ADGRV1: variants seen among roughly 807,000 people sequenced by gnomAD.
ADGRV1 encodes adhesion G protein-coupled receptor V1, also known as G-protein coupled receptor 98.
ADGRV1 carries 359 observed loss-of-function variants against 596.2 expected under a neutral mutation model. That is an observed-to-expected ratio of 0.60 (90% confidence interval 0.55 to 0.66). The LOEUF is 0.66. Ranked by LOEUF, ADGRV1 falls within the 30% of genes least tolerant of loss-of-function variation. The pLI is 0.00. For missense variants in ADGRV1, 7,274 were observed against 7,575.6 expected, an observed-to-expected ratio of 0.96 and a Z score of 1.48; for synonymous variants, 2,681 against 2,679.2, an observed-to-expected ratio of 1.00 and a Z score of -0.02.
intron 68 of ADGRV1, among the ~76,000 whole-genome samples, chr5:90,789,433 C>A (rs993009800): frequency 6.6e-6 from 1 of 152,124 alleles, no homozygotes; most frequent in Non-Finnish European, 1.5e-5. Flanking sequence ...ATTCAGGCAT[C>A]AAATTACTAT....
Position 90,723,231 on chromosome 5 carries a change from A to G in ADGRV1, c.9749-1601A>G, listed in dbSNP as rs373088175. The stretch of plus-strand genomic sequence containing the variant: ...TTTCAAGAAGTTTGGCAGGGAAGAT[A>G]GGACCTGGAGAAGGTAGTAGTGGTG... On this transcript the variant is annotated intron_variant, in intron 45 of 89. Transcript: ENST00000405460. Among the ~76,000 whole-genome samples, 16 of 152,304 alleles carry G rather than the reference A, an allele frequency of 1.1e-4. No homozygotes were observed. The South Asian group carries it at 1.5e-3, about 14-fold the overall frequency.
At chr5:90,881,988 G>A (rs527400517) in intron 83 of ADGRV1, among the ~76,000 whole-genome samples, 1 of 152,204 alleles carries the variant, frequency 6.6e-6, no homozygotes, top group African/African-American at 2.4e-5. Context: ...GGGATTACAG[G>A]TGTAAGCCAC....
chr5:90,953,457 T>C (rs1356279827), intron 83 of ADGRV1, among the ~76,000 whole-genome samples: 3 of 152,158 alleles, frequency 2.0e-5, no homozygotes, highest in Admixed American at 6.6e-5. Context: ...TTTAGGACAG[T>C]TCTGGAATTT....
intron 75 of ADGRV1, among the ~76,000 whole-genome samples, chr5:90,820,102 G>A (rs201372190): frequency 9.2e-5 from 14 of 151,840 alleles, no homozygotes; most frequent in Admixed American, 3.3e-4. Flanking sequence ...GGGTGCTCCT[G>A]TGTTGGGTGC....
rs1239471265 is a variant in ADGRV1, at chr5:90,628,711, T to A, written c.1388T>A (p.Met463Lys). 6.2e-7 allele frequency: 1 copy of A among 1,614,042 alleles called. No individual in the cohort carries two copies. Among genetic ancestry groups the A allele is most frequent in the East Asian group, 2.2e-5 (1 of 44,886 alleles). ...GTTCTCCATTTTGCACAAGGGCAGATGTTGGCAACAATTCCTCTTACTGTG... is the reference window on the plus strand; with the variant it reads ...GTTCTCCATTTTGCACAAGGGCAGAAGTTGGCAACAATTCCTCTTACTGTG... ...SGVLHFAQGQ[M>K]LATIPLTVVD... Residue 463 changes from methionine to lysine, a missense_variant, in exon 8 of 90, where the codon ATG (methionine) becomes AAG (lysine). This residue lies in a region of ADGRV1 where 1,715 missense variants were observed against 1,708.8 expected (regional missense o/e 1.00). Transcript: ENST00000405460.
rs556385603 is a variant in ADGRV1 at position 90,937,703 on chromosome 5, C to T, written c.17857-27712C>T. On this transcript the variant is annotated intron_variant, in intron 83 of 89. Transcript: ENST00000405460. ...CGATCTTCTGACCCCATGATCCGCC[C>T]GCCTTGGCCTCCCAAAGTGGCGGGA... Among the ~76,000 whole-genome samples, 957 of 152,304 alleles carry T rather than the reference C, an allele frequency of 6.3e-3. 4 individuals carry two copies. Among genetic ancestry groups the T allele is most frequent in the Non-Finnish European group, 0.01 (699 of 68,022 alleles).
intron 68 of ADGRV1, 102 bp downstream of exon 68, chr5:90,788,412 A>T: frequency 8.4e-7 from 1 of 1,189,816 alleles, no homozygotes; most frequent in East Asian, 2.6e-5. Flanking sequence ...ATAAATTGGA[A>T]ATTATAAAAC....
In ADGRV1 at chr5:90,988,232, C is replaced by G. The variant is rs187710780; in HGVS notation, c.18152+2710C>G. Among the ~76,000 whole-genome samples the G allele has an allele frequency of 3.9e-5, 6 of 152,194 alleles. No individual in the cohort carries two copies. In the East Asian group the frequency reaches 1.2e-3, roughly 29 times the overall value. ...TTTAATTTTATTTTGTCTGATTATT[C>G]TAGATGGAATTATAAATCATGTACA... On this transcript the variant is annotated intron_variant, in intron 85 of 89. Coordinates refer to ENST00000405460, the MANE Select transcript of ADGRV1 (RefSeq NM_032119.4).
At chr5:90,995,478 A>T (rs1274227912) in intron 85 of ADGRV1, among the ~76,000 whole-genome samples, 1 of 152,112 alleles carries the variant, frequency 6.6e-6, no homozygotes, top group East Asian at 1.9e-4. Flanking sequence ...CAGCCTGTGG[A>T]ACTGTGAGTT....
chr5:90,621,413 T>A (rs1561399287), intron 4 of ADGRV1, among the ~76,000 whole-genome samples: 1 of 152,194 alleles, frequency 6.6e-6, no homozygotes, highest in Non-Finnish European at 1.5e-5. Flanking sequence ...GTAACCTCCA[T>A]TATACTGTCA....
chr5:90,851,195 CATT>C (rs1766488062), intron 79 of ADGRV1, among the ~76,000 whole-genome samples: 1 of 143,016 alleles, frequency 7.0e-6, no homozygotes, highest in South Asian at 2.3e-4. Context: ...ATTTTAGAGA[CATT>C]ATGTTGAGAA....
At chr5:91,120,221 G>A (rs1198412697) in intron 87 of ADGRV1, among the ~76,000 whole-genome samples, 1 of 152,188 alleles carries the variant, frequency 6.6e-6, no homozygotes. Flanking sequence ...AGGGGCAACA[G>A]CTATGTGGCT....
intron 1 of ADGRV1, among the ~76,000 whole-genome samples, chr5:90,607,978 C>T (rs1762305371): frequency 6.6e-6 from 1 of 151,804 alleles, no homozygotes; most frequent in South Asian, 2.1e-4. Context: ...TCAGTATTTT[C>T]TAAGATACTT....
Position 90,628,623 on chromosome 5 carries a change from G to T in ADGRV1, c.1300G>T (p.Val434Leu). ...GTHGNVSANW[V>L]LTRNSTDPSP... ...CCATGGGAATGTCTCTGCGAATTGG[G>T]TGTTGACACGGAACAGCACTGATCC... Residue 434 changes from valine to leucine, a missense_variant, in exon 8 of 90, where the codon GTG becomes TTG. Physicochemically the swap from Val to Leu is conservative, Grantham distance 32 (BLOSUM62 1). This residue lies in a region of ADGRV1 where 1,715 missense variants were observed against 1,708.8 expected (regional missense o/e 1.00). Transcript: ENST00000405460. 2 of 1,613,890 alleles carry T rather than the reference G, an allele frequency of 1.2e-6. No homozygotes were observed. Among genetic ancestry groups the T allele is most frequent in the South Asian group, 2.2e-5 (2 of 91,080 alleles).
intron 83 of ADGRV1, among the ~76,000 whole-genome samples, chr5:90,919,501 TAAA>T (rs1032481988): frequency 3.5e-4 from 54 of 152,212 alleles, no homozygotes; most frequent in Admixed American, 1.1e-3. Flanking sequence ...ATAACTGAGA[TAAA>T]AAATAACAAC....
intron 86 of ADGRV1, among the ~76,000 whole-genome samples, chr5:91,089,133 C>T (rs1790163745): frequency 6.6e-6 from 1 of 152,072 alleles, no homozygotes; most frequent in Admixed American, 6.6e-5. Context: ...AATAATAAGC[C>T]TTTATATAAC....
intron 9 of ADGRV1, among the ~76,000 whole-genome samples, chr5:90,633,064 C>T (rs577366253): frequency 1.2e-4 from 19 of 152,258 alleles, no homozygotes; most frequent in Non-Finnish European, 1.5e-5. Flanking sequence ...CAGCTAAATA[C>T]GTTAGTCTGA....
At chr5:90,669,427 A>G (rs1772102744) in intron 21 of ADGRV1, among the ~76,000 whole-genome samples, 1 of 152,200 alleles carries the variant, frequency 6.6e-6, no homozygotes, top group Non-Finnish European at 1.5e-5. Context: ...CTTATGGAAA[A>G]GATGGGGTTA....
chr5:90,713,172 A>ACT (rs1749613205), intron 42 of ADGRV1, among the ~76,000 whole-genome samples: 1 of 151,858 alleles, frequency 6.6e-6, no homozygotes, highest in African/African-American at 2.4e-5. Context: ...GTTTTTTTTA[A>ACT]AAAAAATTTT....
Sources: allele counts gnomAD v4.1 joint callset (sites outside exome capture counted in the v4.1 genomes callset), GRCh38; gene constraint gnomAD v4.1.1; regional missense constraint gnomAD v4.1.1; transcripts MANE v1.5; gene names NCBI Gene and HGNC (gene_info 2026-07-23, HGNC 2026-07-21).